The following ITPR2 variants were observed in gnomAD, a reference collection of about 807,000 sequenced individuals.
ITPR2 encodes the protein inositol 1,4,5-trisphosphate receptor type 2.
In ITPR2, 207 loss-of-function variants were observed where a neutral mutation model predicts 317.1. The observed-to-expected ratio is 0.65, with a 90% CI of 0.58 to 0.73. The LOEUF (loss-of-function observed/expected upper bound fraction) is 0.73, where lower values mean the gene tolerates loss of function less well. Among genes scored for constraint, ITPR2 ranks in the 30% least tolerant of loss-of-function variants. The probability of loss-of-function intolerance (pLI) is 0.00; values close to 1 mark genes in which losing one functional copy is unlikely to be tolerated. For missense variants in ITPR2, 2,613 were observed against 3,284.0 expected (o/e 0.80, Z 4.99); for synonymous variants, 1,156 against 1,149.1 (o/e 1.01, Z -0.12).
intron 4 of ITPR2, among the ~76,000 whole-genome samples, chr12:26,722,904 A>G (rs551790845): frequency 6.6e-6 from 1 of 152,180 alleles, no homozygotes; most frequent in Non-Finnish European, 1.5e-5. Flanking sequence ...CAATGCCTGC[A>G]TAGCCACAAA....
intron 36 of ITPR2, among the ~76,000 whole-genome samples, chr12:26,555,705 G>A (rs1413509034): frequency 2.0e-5 from 3 of 152,132 alleles, no homozygotes; most frequent in Non-Finnish European, 4.4e-5. Context: ...GCATGGCCAT[G>A]TGCGGGGTCT....
At chr12:26,703,695 T>G (rs903610352) in intron 9 of ITPR2, among the ~76,000 whole-genome samples, 6 of 152,240 alleles carry the variant, frequency 3.9e-5, no homozygotes, top group African/African-American at 1.4e-4. Flanking sequence ...AAATCACCTC[T>G]GTGAGCCTGG....
At chr12:26,513,770 A>ACT (rs1488157300) in intron 37 of ITPR2, among the ~76,000 whole-genome samples, 1 of 151,786 alleles carries the variant, frequency 6.6e-6, no homozygotes, top group African/African-American at 2.4e-5. Flanking sequence ...ACACACACAC[A>ACT]CACACACATG....
At position 26,467,357 on chromosome 12, in the gene ITPR2, A is replaced by C. The variant is rs377676197; in HGVS notation, c.6342+7939T>G. ...GCTGTTCCTGCCATTCTCTTTCTCTATCTCTCTCTCTCTCTCTTTCTCTTT... is the reference window on the plus strand; with the variant it reads ...GCTGTTCCTGCCATTCTCTTTCTCTCTCTCTCTCTCTCTCTCTTTCTCTTT... On this transcript the variant is annotated intron_variant, in intron 45 of 56. Coordinates refer to ENST00000381340, the MANE Select transcript of ITPR2 (RefSeq NM_002223.4). Among the ~76,000 whole-genome samples, 42 of 150,450 alleles carry C rather than the reference A, an allele frequency of 2.8e-4. 1 individual carries two copies. The South Asian group carries it at 3.6e-3, about 13-fold the overall frequency.
chr12:26,824,181 G>A (rs1950979398), intron 1 of ITPR2, among the ~76,000 whole-genome samples: 1 of 152,140 alleles, frequency 6.6e-6, no homozygotes, highest in Admixed American at 6.5e-5. Context: ...AGCCTATTTT[G>A]TAATAAAAGT....
intron 39 of ITPR2, among the ~76,000 whole-genome samples, chr12:26,492,126 G>A (rs1942821727): frequency 5.9e-5 from 9 of 152,184 alleles, no homozygotes; most frequent in Admixed American, 5.9e-4. Flanking sequence ...AAGACAAGCT[G>A]GAGAGGGTGG....
intron 56 of ITPR2, 131 bp downstream of exon 56, chr12:26,340,036 G>C: frequency 1.2e-6 from 1 of 806,288 alleles, no homozygotes; most frequent in South Asian, 2.3e-5. Flanking sequence ...ACAGTACAAC[G>C]TGAGGTTTCT....
Position 26,665,953 on chromosome 12 carries a change from C to T in ITPR2, c.1508G>A (p.Arg503Gln). The change falls in exon 14 of 57, where the codon CGA becomes CAA. Residue 503 changes from arginine to glutamine, a missense_variant. This residue lies in a region of ITPR2 where 515 missense variants were observed against 789.4 expected (regional missense o/e 0.65). Transcript: ENST00000381340. ...TTCCCTCATCAATTTTTGACGCTCT[C>T]GGTTTGGCTTAGTGATAACCACATC... ...VLDVVITKPN[R>Q]ERQKLMREQN... 1 of 1,613,810 alleles carries T rather than the reference C, an allele frequency of 6.2e-7. No individual in the cohort carries two copies.
intron 1 of ITPR2, among the ~76,000 whole-genome samples, chr12:26,811,083 T>C: frequency 6.8e-6 from 1 of 147,276 alleles, no homozygotes; most frequent in South Asian, 2.2e-4. Flanking sequence ...CTAATGACAC[T>C]CCAAATATCA....
At chr12:26,815,331 C>CA (rs532105638) in intron 1 of ITPR2, among the ~76,000 whole-genome samples, 8 of 149,204 alleles carry the variant, frequency 5.4e-5, no homozygotes, top group African/African-American at 7.4e-5. Context: ...GACTCAGTCT[C>CA]AAAAAAAAAG....
At chr12:26,541,146 TAAAAAAA>T (rs3058665) in intron 37 of ITPR2, among the ~76,000 whole-genome samples, 2 of 110,118 alleles carry the variant, frequency 1.8e-5, no homozygotes, top group East Asian at 2.3e-4. Flanking sequence ...CATCTCTGCT[TAAAAAAA>T]AAAAAAAAAA....
At position 26,537,176 on chromosome 12, in the gene ITPR2, G is replaced by A. The variant is rs574022670; in HGVS notation, c.5073+13071C>T. 1.6e-4 allele frequency among the ~76,000 whole-genome samples: 25 copies of A among 152,306 alleles called. No individual in the cohort carries two copies. The South Asian group carries it at 5.2e-3, about 32-fold the overall frequency. On this transcript the variant is annotated intron_variant, in intron 37 of 56. Transcript: ENST00000381340. ...CAAGGCAATGTCATGGTGGTGATAGGAAGGGTTTGGTCTGTACATTTTGTG... is the reference window on the plus strand; with the variant it reads ...CAAGGCAATGTCATGGTGGTGATAGAAAGGGTTTGGTCTGTACATTTTGTG...
rs912441639 is a variant in ITPR2 at position 26,479,661 on chromosome 12, G to A, written c.6123+1470C>T. On this transcript the variant is annotated intron_variant, in intron 43 of 56. Transcript: ENST00000381340. ...AACTGAAACATGATGGTAATGAATC[G>A]AGGGGCACAAGTACATCTATGTAAG... is the stretch of plus-strand genomic sequence containing the variant. Among the ~76,000 whole-genome samples the A allele has an allele frequency of 3.3e-5, 5 of 152,148 alleles. No individual in the cohort carries two copies. In the East Asian group the frequency reaches 5.8e-4, roughly 18 times the overall value.
chr12:26,403,548 T>C (rs761087211), intron 52 of ITPR2, among the ~76,000 whole-genome samples: 51 of 152,038 alleles, frequency 3.4e-4, no homozygotes, highest in Admixed American at 1.0e-3. Flanking sequence ...AGCCCAAAAG[T>C]TGGAGACTGC....
chr12:26,366,858 T>C (rs904389764), intron 55 of ITPR2, among the ~76,000 whole-genome samples: 1 of 152,166 alleles, frequency 6.6e-6, no homozygotes. Flanking sequence ...AAGACTTCCT[T>C]TCCACAGTGA....
intron 37 of ITPR2, among the ~76,000 whole-genome samples, chr12:26,505,594 C>G (rs1406323635): frequency 3.9e-5 from 6 of 152,178 alleles, no homozygotes. Context: ...ATGTATATCA[C>G]CATGTGCTTT....
intron 2 of ITPR2, among the ~76,000 whole-genome samples, chr12:26,736,731 GC>G (rs1949124769): frequency 6.6e-6 from 1 of 152,168 alleles, no homozygotes; most frequent in African/African-American, 2.4e-5. Flanking sequence ...TGCTGAACCG[GC>G]GGAAAAGCTG....
chr12:26,424,594 T>G (rs1295693902), intron 49 of ITPR2, among the ~76,000 whole-genome samples: 2 of 136,358 alleles, frequency 1.5e-5, no homozygotes, highest in East Asian at 2.1e-4. Context: ...GTGTTTTTTT[T>G]TTTTTTTTTT....
chr12:26,659,717 A>G (rs565572828), intron 15 of ITPR2, among the ~76,000 whole-genome samples: 19 of 152,318 alleles, frequency 1.2e-4, no homozygotes, highest in Middle Eastern at 6.8e-3. Flanking sequence ...CTTTTCTTCT[A>G]TCTCTTACTT....
Sources: gnomAD v4.1 joint callset for allele counts (sites outside exome capture counted in the v4.1 genomes callset) on GRCh38, gnomAD v4.1.1 for gene constraint, gnomAD v4.1.1 regional missense constraint, MANE v1.5 for transcripts, NCBI Gene and HGNC (gene_info 2026-07-23, HGNC 2026-07-21) for gene names.